PRKN: variants seen among roughly 807,000 people sequenced by gnomAD.
PRKN encodes the protein E3 ubiquitin-protein ligase parkin.
PRKN carries 56 observed loss-of-function variants against 59.5 expected under a neutral mutation model. The observed-to-expected ratio is 0.94, with a 90% CI of 0.76 to 1.18. PRKN has a LOEUF of 1.18. Among genes scored for constraint, PRKN ranks in the 50% most tolerant of loss-of-function variants. The probability of loss-of-function intolerance (pLI) is 0.00; values close to 1 mark genes in which losing one functional copy is unlikely to be tolerated. For synonymous variants in PRKN, 250 were observed against 222.1 expected (o/e 1.13, Z -1.12); for missense variants, 657 against 596.4 (o/e 1.10, Z -1.06).
intron 1 of PRKN, among the ~76,000 whole-genome samples, chr6:162,694,037 G>C (rs891745399): frequency 2.6e-5 from 4 of 152,050 alleles, no homozygotes; most frequent in Admixed American, 2.0e-4. Flanking sequence ...CATGAGGTCA[G>C]GAGATCGAGA....
intron 2 of PRKN, among the ~76,000 whole-genome samples, chr6:162,400,492 C>G (rs2128149347): frequency 7.2e-6 from 1 of 139,396 alleles, no homozygotes; most frequent in African/African-American, 2.7e-5. Context: ...TAAAATGACA[C>G]CAGTAAAAAA....
intron 3 of PRKN, among the ~76,000 whole-genome samples, chr6:162,230,714 T>C (rs1778384866): frequency 6.6e-6 from 1 of 152,224 alleles, no homozygotes; most frequent in Non-Finnish European, 1.5e-5. Context: ...AATCCCATTC[T>C]TGCTTTGCTG....
intron 1 of PRKN, among the ~76,000 whole-genome samples, chr6:162,686,505 A>G (rs1777559103): frequency 1.3e-5 from 2 of 152,214 alleles, no homozygotes; most frequent in South Asian, 4.1e-4. Context: ...GGAAGGCTGG[A>G]AATTTGATAT....
At chr6:161,641,696 A>ATGAGGAAC (rs1783745618) in intron 7 of PRKN, among the ~76,000 whole-genome samples, 1 of 152,218 alleles carries the variant, frequency 6.6e-6, no homozygotes, top group Non-Finnish European at 1.5e-5. Context: ...GCAGTATAGG[A>ATGAGGAAC]TGAGGAACTC....
intron 5 of PRKN, among the ~76,000 whole-genome samples, chr6:162,025,162 C>G (rs1160558937): frequency 2.0e-5 from 3 of 151,566 alleles, no homozygotes; most frequent in Admixed American, 6.6e-5. Context: ...ACTACAGGCA[C>G]CTGCCACCAC....
intron 7 of PRKN, among the ~76,000 whole-genome samples, chr6:161,730,430 A>G (rs1787643975): frequency 6.8e-6 from 1 of 148,094 alleles, no homozygotes; most frequent in South Asian, 2.1e-4. Flanking sequence ...GATATGTTGC[A>G]TTCTGATGTG....
Position 161,459,550 on chromosome 6 carries a change from C to T in PRKN, c.1084-72673G>A, listed in dbSNP as rs1284715146. ...TCCCTGGATCTGTTCACAGGAATGC[C>T]TAGAGCTTCTGGCACACAGGGTAGC... On this transcript the variant is annotated intron_variant, in intron 9 of 11. Coordinates refer to ENST00000366898, the MANE Select transcript of PRKN (RefSeq NM_004562.3). The surrounding 1 kb of genome is among the most constrained non-coding windows in gnomAD (Gnocchi z 4.8). Among the ~76,000 whole-genome samples, 1 of 152,168 alleles carries T rather than the reference C, an allele frequency of 6.6e-6. No individual in the cohort carries two copies. The highest frequency in any genetic ancestry group is 2.4e-5 in the African/African-American group (1 of 41,450).
intron 7 of PRKN, among the ~76,000 whole-genome samples, chr6:161,597,545 T>G (rs994306781): frequency 1.3e-5 from 2 of 152,188 alleles, no homozygotes; most frequent in African/African-American, 4.8e-5. Flanking sequence ...TTCTCTCCTT[T>G]CTTCAGAGAA....
In PRKN at chr6:162,577,219, G is replaced by A. The variant is rs554996399; in HGVS notation, c.8-133746C>T. On this transcript the variant is annotated intron_variant, in intron 1 of 11. Transcript: ENST00000366898. ...CAATAAATAAGCAAAGATATAAACA[G>A]ATAACTTAAAAAAAGATGATCAATA... 2.7e-3 allele frequency among the ~76,000 whole-genome samples: 401 copies of A among 151,040 alleles called. 1 individual carries two copies. Among genetic ancestry groups the A allele is most frequent in the African/African-American group, 7.5e-3 (307 of 41,030 alleles).
chr6:162,663,494 G>C (rs1043301624), intron 1 of PRKN, among the ~76,000 whole-genome samples: 1 of 152,094 alleles, frequency 6.6e-6, no homozygotes, highest in Admixed American at 6.6e-5. Context: ...TGAAACTGCT[G>C]CATGTCCAGA....
chr6:162,665,307 C>A (rs187319454), intron 1 of PRKN, among the ~76,000 whole-genome samples: 1 of 152,216 alleles, frequency 6.6e-6, no homozygotes, highest in East Asian at 1.9e-4. Context: ...CCAAAAACTT[C>A]TTGAACTGAT....
intron 1 of PRKN, among the ~76,000 whole-genome samples, chr6:162,518,507 C>T (rs989043965): frequency 7.2e-5 from 11 of 152,076 alleles, no homozygotes; most frequent in East Asian, 3.9e-4. Context: ...GCTGGTATTA[C>T]GGGCGGGTGC....
At chr6:161,866,410 C>T (rs940250280) in intron 6 of PRKN, among the ~76,000 whole-genome samples, 1 of 152,010 alleles carries the variant, frequency 6.6e-6, no homozygotes, top group African/African-American at 2.4e-5. Flanking sequence ...CCTGTCTCTA[C>T]TAAAAATACA....
intron 7 of PRKN, among the ~76,000 whole-genome samples, chr6:161,728,486 C>T (rs1787542401): frequency 6.6e-6 from 1 of 152,142 alleles, no homozygotes; most frequent in African/African-American, 2.4e-5. Context: ...GTCACCGCCC[C>T]CCACCTGATT....
intron 9 of PRKN, among the ~76,000 whole-genome samples, chr6:161,512,291 G>T (rs997816111): frequency 2.6e-5 from 2 of 77,034 alleles, no homozygotes; most frequent in Non-Finnish European, 6.1e-5. Flanking sequence ...CTAAGGAAAT[G>T]ACCCCCCCCT....
At position 161,451,501 on chromosome 6, in the gene PRKN, G is replaced by A. The variant is rs1258425232; in HGVS notation, c.1084-64624C>T. The stretch of plus-strand genomic sequence containing the variant: ...GCAACGCAGCCTCAGGATACCACCT[G>A]CCCACGGCCCACCTGAGGGAACCTG... On this transcript the variant is annotated intron_variant, in intron 9 of 11. Coordinates refer to ENST00000366898, the MANE Select transcript of PRKN (RefSeq NM_004562.3). The surrounding 1 kb of genome is among the most constrained non-coding windows in gnomAD (Gnocchi z 5.9). Among the ~76,000 whole-genome samples the A allele has an allele frequency of 1.3e-5, 2 of 152,130 alleles. No homozygotes were observed. Among genetic ancestry groups the A allele is most frequent in the African/African-American group, 2.4e-5 (1 of 41,412 alleles).
rs571192864 is a variant in PRKN, at chr6:161,518,410, G to A, written c.1083+30444C>T. ...CCAGTAGCCAGGCGTGGTGGTGGGC[G>A]CCTGTAGTCCCAGCTACTTGGGAGG... On this transcript the variant is annotated intron_variant, in intron 9 of 11. Coordinates refer to ENST00000366898, the MANE Select transcript of PRKN (RefSeq NM_004562.3). This position sits in a 1 kb window ranked among gnomAD's most constrained non-coding sequence, Gnocchi z 5.0. Among the ~76,000 whole-genome samples, 13 of 152,292 alleles carry A rather than the reference G, an allele frequency of 8.5e-5. No individual in the cohort carries two copies. Among genetic ancestry groups the A allele is most frequent in the African/African-American group, 2.9e-4 (12 of 41,562 alleles).
At chr6:162,130,566 C>T (rs762608442) in intron 4 of PRKN, among the ~76,000 whole-genome samples, 8 of 152,070 alleles carry the variant, frequency 5.3e-5, no homozygotes, top group Non-Finnish European at 8.8e-5. Context: ...CCAGGAACAA[C>T]CAGTTGATAA....
At chr6:162,276,143 T>C (rs1348744013) in intron 2 of PRKN, among the ~76,000 whole-genome samples, 1 of 152,186 alleles carries the variant, frequency 6.6e-6, no homozygotes, top group Non-Finnish European at 1.5e-5. Context: ...AAAGATAAAA[T>C]ACATCACGAG....
Sources: allele counts gnomAD v4.1 joint callset (sites outside exome capture counted in the v4.1 genomes callset), GRCh38; gene constraint gnomAD v4.1.1; non-coding constraint Gnocchi (gnomAD v3.1); transcripts MANE v1.5; gene names NCBI Gene and HGNC (gene_info 2026-07-23, HGNC 2026-07-21).